OLIG2: variants seen among roughly 807,000 people sequenced by gnomAD.
The protein encoded by OLIG2 is basic domain, helix-loop-helix protein, class B, 1.
Under a neutral mutation model 13.4 loss-of-function variants are expected in OLIG2, and 12 were observed. That is an observed-to-expected ratio of 0.90 (90% CI 0.58 to 1.46). The LOEUF (loss-of-function observed/expected upper bound fraction) is 1.46. Among genes scored for constraint, OLIG2 ranks in the 40% most tolerant of loss-of-function variants. The pLI is 0.00. For missense variants in OLIG2, 415 were observed against 487.9 expected, an observed-to-expected ratio of 0.85 and a Z score of 1.41; for synonymous variants, 250 against 233.6, an observed-to-expected ratio of 1.07 and a Z score of -0.64.
Position 33,026,930 on chromosome 21 carries a change from C to G in OLIG2, c.68C>G (p.Pro23Arg), listed in dbSNP as rs771847969. Residue 23 changes from proline (P) to arginine (R), a missense_variant, in exon 2 of 2, where the codon CCG becomes CGG. Physicochemically the swap from Pro to Arg is moderately radical, Grantham distance 103. Around this residue, in one of 3 missense-constraint regions of OLIG2, gnomAD observed 122 missense variants for 126.8 expected, o/e 0.96. Transcript: ENST00000382357. This position sits in a 1 kb window ranked among gnomAD's most constrained non-coding sequence, Gnocchi z 6.6. ...CCAGAGCCCGATGACCTTTTTCTGC[C>G]GGCCCGGAGTAAGGGCAGCAGCGGC... ...SSPEPDDLFLPARSKGSSGSA... is the reference protein window; with the variant it reads ...SSPEPDDLFLRARSKGSSGSA... 2 of 1,612,332 alleles carry G rather than the reference C, an allele frequency of 1.2e-6. No individual in the cohort carries two copies. The highest frequency in any genetic ancestry group is 1.1e-5 in the South Asian group (1 of 91,086).
chr21:33,026,536 A>C lies in OLIG2; in HGVS notation c.-62-265A>C. The C allele has an allele frequency of 2.9e-6, 1 of 345,508 alleles. No individual in the cohort carries two copies. The highest frequency in any genetic ancestry group is 5.4e-6 in the Non-Finnish European group (1 of 186,644). The allele number at this position is 345,508 out of a possible 1,614,324, so 21.4% of individuals were successfully genotyped here. A position where few individuals can be genotyped will look rare whatever the true frequency, so the allele number is the denominator to read the frequency against. On this transcript the variant is annotated intron_variant, in intron 1 of 1. Coordinates refer to ENST00000382357, the MANE Select transcript of OLIG2 (RefSeq NM_005806.4). This position sits in a 1 kb window ranked among gnomAD's most constrained non-coding sequence, Gnocchi z 6.6. ...GAATGCCACCCGCACCCCGAGGGTC[A>C]CCAACGCTCCCTGAAATAACCTGTT...
At position 33,026,435 on chromosome 21, in the gene OLIG2, G is replaced by T; in HGVS notation, c.-62-366G>T. On this transcript the variant is annotated intron_variant, in intron 1 of 1. Transcript: ENST00000382357. This position sits in a 1 kb window ranked among gnomAD's most constrained non-coding sequence, Gnocchi z 6.6. Reference sequence around the variant, plus strand: ...AGATCTCCATTCTCCCCAAAGAAAGGCCCTCACTTCCCACTCGTTTATTCC... The same window carrying T: ...AGATCTCCATTCTCCCCAAAGAAAGTCCCTCACTTCCCACTCGTTTATTCC... The T allele has an allele frequency of 5.1e-6, 1 of 195,508 alleles. No individual in the cohort carries two copies. Among genetic ancestry groups the T allele is most frequent in the Non-Finnish European group, 1.1e-5 (1 of 93,720 alleles). 12.1% of individuals were successfully genotyped at this position (195,508 alleles called of 1,614,324 possible).
At position 33,027,902 on chromosome 21, in the gene OLIG2, G is replaced by A; in HGVS notation, c.*68G>A. The A allele has an allele frequency of 1.5e-6, 2 of 1,328,508 alleles. No individual in the cohort carries two copies. The highest frequency in any genetic ancestry group is 9.6e-7 in the Non-Finnish European group (1 of 1,039,638). 82.3% of individuals were successfully genotyped at this position (1,328,508 alleles called of 1,614,324 possible). ...GCCGCGGGGAAGCGAGGACTGGCCT[G>A]CGCTGGGCTCGGGAGCTCTGTCGCG... is the stretch of plus-strand genomic sequence containing the variant. On this transcript the variant is annotated 3_prime_UTR_variant, in exon 2 of 2. Coordinates refer to ENST00000382357, the MANE Select transcript of OLIG2 (RefSeq NM_005806.4).
Position 33,028,624 on chromosome 21 carries a change from C to G in OLIG2, c.*790C>G. 2 of 239,472 alleles carry G rather than the reference C, an allele frequency of 8.4e-6. No homozygotes were observed. The allele number at this position is 239,472 out of a possible 1,614,324, so 14.8% of individuals were successfully genotyped here. ...GTGGATTGGAATAACCCAAAACTGC[C>G]GATTTCAGGGGCGGGTGCATTGTAG... is the stretch of plus-strand genomic sequence containing the variant. On this transcript the variant is annotated 3_prime_UTR_variant, in exon 2 of 2. Transcript: ENST00000382357.
In OLIG2 at chr21:33,027,690, C is replaced by A; in HGVS notation, c.828C>A (p.Gly276=). 1 of 1,369,376 alleles carries A rather than the reference C, an allele frequency of 7.3e-7. No homozygotes were observed. Among genetic ancestry groups the A allele is most frequent in the Non-Finnish European group, 9.3e-7 (1 of 1,069,850 alleles). The allele number at this position is 1,369,376 out of a possible 1,614,324, so 84.8% of individuals were successfully genotyped here. ...CGGCCGCCCCGCTGGGGGGCGGGGGCGGCGGCAGTGGGGCGAGCGGGGGCT... is the reference window on the plus strand; with the variant it reads ...CGGCCGCCCCGCTGGGGGGCGGGGGAGGCGGCAGTGGGGCGAGCGGGGGCT... ...AAAAAPLGGG[G]GGSGASGGFQ... is the part of the protein sequence containing the mutation. Residue 276 remains glycine (G), a synonymous_variant, in exon 2 of 2, where the codon GGC becomes GGA. Coordinates refer to ENST00000382357, the MANE Select transcript of OLIG2 (RefSeq NM_005806.4).
In OLIG2 at chr21:33,026,985, G is replaced by A. The variant is rs1446616283; in HGVS notation, c.123G>A (p.Ser41=). 6 of 1,612,132 alleles carry A rather than the reference G, an allele frequency of 3.7e-6. No homozygotes were observed. Among genetic ancestry groups the A allele is most frequent in the Non-Finnish European group, 4.2e-6 (5 of 1,179,532 alleles). The change falls in exon 2 of 2, where the codon TCG becomes TCA. Residue 41 remains serine, a synonymous_variant. Coordinates refer to ENST00000382357, the MANE Select transcript of OLIG2 (RefSeq NM_005806.4). This position sits in a 1 kb window ranked among gnomAD's most constrained non-coding sequence, Gnocchi z 6.6. The part of the protein sequence containing the change: ...GSAFTGGTVS[S]STPSDCPPEL... Reference sequence around the variant, plus strand: ...CCTTCACTGGGGGCACCGTGTCCTCGTCCACCCCGAGTGACTGCCCGCCGG... The same window carrying A: ...CCTTCACTGGGGGCACCGTGTCCTCATCCACCCCGAGTGACTGCCCGCCGG...
rs1257309392 is a variant in OLIG2 at position 33,027,461 on chromosome 21, C to G, written c.599C>G (p.Ala200Gly). ...CTGGCGCACTCCGCGCCCCTGCCCG[C>G]CGCCACCGCGCACCCGGCAGCAGCA... Reference protein sequence around the residue: ...GGLAHSAPLPAATAHPAAAAH... With the variant: ...GGLAHSAPLPGATAHPAAAAH... The change falls in exon 2 of 2, where the codon GCC (alanine) becomes GGC (glycine). Residue 200 changes from alanine to glycine, a missense_variant. By Grantham distance (60) the Ala-to-Gly change is moderately conservative. This residue lies in a region of OLIG2 where 243 missense variants were observed against 241.2 expected (regional missense o/e 1.01). Transcript: ENST00000382357. 46 of 1,488,724 alleles carry G rather than the reference C, an allele frequency of 3.1e-5. No homozygotes were observed. Among genetic ancestry groups the G allele is most frequent in the Non-Finnish European group, 3.9e-5 (44 of 1,128,404 alleles). 92.2% of individuals were successfully genotyped at this position (1,488,724 alleles called of 1,614,324 possible).
Position 33,026,737 on chromosome 21 carries a change from A to ACTCG in OLIG2, c.-62-61_-62-60insGCTC, listed in dbSNP as rs1555836399. 8.2e-6 allele frequency: 9 copies of ACTCG among 1,102,762 alleles called. No homozygotes were observed. The African/African-American group carries it at 1.5e-4, about 18-fold the overall frequency. 68.3% of individuals were successfully genotyped at this position (1,102,762 alleles called of 1,614,324 possible). ...CAGCTTTTCTGTCTCTCACTGACTCACTCTCTCTCTCTCTCCCTCTCTCTC... is the reference window on the plus strand; with the variant it reads ...CAGCTTTTCTGTCTCTCACTGACTCACTCGCTCTCTCTCTCTCTCCCTCTCTCTC... On this transcript the variant is annotated intron_variant, in intron 1 of 1. Transcript: ENST00000382357. This position sits in a 1 kb window ranked among gnomAD's most constrained non-coding sequence, Gnocchi z 6.6.
chr21:33,026,555 A>T lies in OLIG2; in HGVS notation c.-62-246A>T, dbSNP rs527627403. The stretch of plus-strand genomic sequence containing the variant: ...AGGGTCACCAACGCTCCCTGAAATA[A>T]CCTGTTGCATGAGAGCAGAGGGGAG... On this transcript the variant is annotated intron_variant, in intron 1 of 1. Transcript: ENST00000382357. This position sits in a 1 kb window ranked among gnomAD's most constrained non-coding sequence, Gnocchi z 6.6. The T allele has an allele frequency of 5.1e-6, 2 of 392,526 alleles. No homozygotes were observed. Among genetic ancestry groups the T allele is most frequent in the Admixed American group, 8.6e-5 (2 of 23,318 alleles). The allele number at this position is 392,526 out of a possible 1,614,324, so 24.3% of individuals were successfully genotyped here.
chr21:33,026,398 A>C lies in OLIG2; in HGVS notation c.-63+372A>C. ...GATCCGTTTGAGGAACCAAATCATT[A>C]GTTCTCTATCTAGATCTCCATTCTC... On this transcript the variant is annotated intron_variant, in intron 1 of 1. Coordinates refer to ENST00000382357, the MANE Select transcript of OLIG2 (RefSeq NM_005806.4). This position sits in a 1 kb window ranked among gnomAD's most constrained non-coding sequence, Gnocchi z 6.6. The C allele has an allele frequency of 6.0e-6, 1 of 166,900 alleles. No homozygotes were observed. The highest frequency in any genetic ancestry group is 1.3e-5 in the Non-Finnish European group (1 of 76,192). The allele number at this position is 166,900 out of a possible 1,614,324, so 10.3% of individuals were successfully genotyped here.
rs1418535231 is a variant in OLIG2, at chr21:33,027,439, G to A, written c.577G>A (p.Ala193Thr). The A allele has an allele frequency of 2.0e-6, 3 of 1,533,338 alleles. No individual in the cohort carries two copies. Among genetic ancestry groups the A allele is most frequent in the East Asian group, 2.5e-5 (1 of 40,368 alleles). The allele number at this position is 1,533,338 out of a possible 1,614,324, so 95.0% of individuals were successfully genotyped here. ...CCACCCGTCGGCCTGCGGCGGCCTG[G>A]CGCACTCCGCGCCCCTGCCCGCCGC... ...GFHPSACGGL[A>T]HSAPLPAATA... Residue 193 changes from alanine (A) to threonine (T), a missense_variant, in exon 2 of 2, where the codon GCG becomes ACG. Around this residue, in one of 3 missense-constraint regions of OLIG2, gnomAD observed 243 missense variants for 241.2 expected, o/e 1.01. Coordinates refer to ENST00000382357, the MANE Select transcript of OLIG2 (RefSeq NM_005806.4).
chr21:33,026,758 C>T lies in OLIG2; in HGVS notation c.-62-43C>T, dbSNP rs534254125. ...ACTCACTCTCTCTCTCTCTCCCTCT[C>T]TCTCTCTCTCATTCTCTCTCTTTTC... On this transcript the variant is annotated intron_variant, in intron 1 of 1. Coordinates refer to ENST00000382357, the MANE Select transcript of OLIG2 (RefSeq NM_005806.4). This position sits in a 1 kb window ranked among gnomAD's most constrained non-coding sequence, Gnocchi z 6.6. 7.2e-7 allele frequency: 1 copy of T among 1,385,760 alleles called. No individual in the cohort carries two copies. The highest frequency in any genetic ancestry group is 1.4e-5 in the South Asian group (1 of 73,470). The allele number at this position is 1,385,760 out of a possible 1,614,324, so 85.8% of individuals were successfully genotyped here.
chr21:33,028,960 CT>C lies in OLIG2; in HGVS notation c.*1127del. On this transcript the variant is annotated 3_prime_UTR_variant, in exon 2 of 2. Transcript: ENST00000382357. The stretch of plus-strand genomic sequence containing the variant: ...CACGTTTAACACAAATGGTAAACTC[CT>C]CCACGTGCTTCCTGCGTTCCGTGCA... 4.1e-6 allele frequency: 1 copy of C among 242,982 alleles called. No homozygotes were observed. Among genetic ancestry groups the C allele is most frequent in the Non-Finnish European group, 8.7e-6 (1 of 114,900 alleles). The allele number at this position is 242,982 out of a possible 1,614,324, so 15.1% of individuals were successfully genotyped here. A position where few individuals can be genotyped will look rare whatever the true frequency, so the allele number is the denominator to read the frequency against.
chr21:33,027,599 C>T lies in OLIG2; in HGVS notation c.737C>T (p.Ser246Phe). 2 of 1,477,780 alleles carry T rather than the reference C, an allele frequency of 1.4e-6. No individual in the cohort carries two copies. The highest frequency in any genetic ancestry group is 1.8e-6 in the Non-Finnish European group (2 of 1,120,312). The allele number at this position is 1,477,780 out of a possible 1,614,324, so 91.5% of individuals were successfully genotyped here. A position where few individuals can be genotyped will look rare whatever the true frequency, so the allele number is the denominator to read the frequency against. Residue 246 changes from serine to phenylalanine, a missense_variant, in exon 2 of 2, where the codon TCC (serine) becomes TTC (phenylalanine). By Grantham distance (155) the Ser-to-Phe change is radical (BLOSUM62 -2). Coordinates refer to ENST00000382357, the MANE Select transcript of OLIG2 (RefSeq NM_005806.4). ...AAVSSASLPG[S>F]GLPSVGSIRP... ...GTGTCCAGCGCCTCTCTGCCCGGAT[C>T]CGGGCTGCCGTCGGTCGGCTCCATC...
chr21:33,027,005 C>G lies in OLIG2; in HGVS notation c.143C>G (p.Pro48Arg), dbSNP rs1185918494. ...TVSSSTPSDC[P>R]PELSAELRGA... ...TCCTCGTCCACCCCGAGTGACTGCC[C>G]GCCGGAGCTGAGCGCCGAGCTGCGC... The change falls in exon 2 of 2, where the codon CCG becomes CGG. Residue 48 changes from proline (P) to arginine (R), a missense_variant. Coordinates refer to ENST00000382357, the MANE Select transcript of OLIG2 (RefSeq NM_005806.4). The G allele has an allele frequency of 6.2e-7, 1 of 1,612,094 alleles. No individual in the cohort carries two copies. Among genetic ancestry groups the G allele is most frequent in the Non-Finnish European group, 8.5e-7 (1 of 1,179,440 alleles).
At position 33,027,606 on chromosome 21, in the gene OLIG2, G is replaced by C; in HGVS notation, c.744G>C (p.Leu248=). The change falls in exon 2 of 2, where the codon CTG becomes CTC. Residue 248 remains leucine (L), a synonymous_variant. Transcript: ENST00000382357. ...GCGCCTCTCTGCCCGGATCCGGGCT[G>C]CCGTCGGTCGGCTCCATCCGTCCAC... The part of the protein sequence containing the change: ...VSSASLPGSG[L]PSVGSIRPPH... 1 of 1,477,426 alleles carries C rather than the reference G, an allele frequency of 6.8e-7. No individual in the cohort carries two copies. Among genetic ancestry groups the C allele is most frequent in the Non-Finnish European group, 8.9e-7 (1 of 1,120,172 alleles). The allele number at this position is 1,477,426 out of a possible 1,614,324, so 91.5% of individuals were successfully genotyped here.
In OLIG2 at chr21:33,027,654, G is replaced by C; in HGVS notation, c.792G>C (p.Pro264=). The change falls in exon 2 of 2, where the codon CCG becomes CCC. Residue 264 remains proline (P), a synonymous_variant. Transcript: ENST00000382357. ...CACCGCACGGCCTACTCAAGTCTCC[G>C]TCTGCTGCCGCGGCCGCCCCGCTGG... ...IRPPHGLLKS[P]SAAAAAPLGG... 7.1e-7 allele frequency: 1 copy of C among 1,412,602 alleles called. No individual in the cohort carries two copies. The highest frequency in any genetic ancestry group is 2.4e-4 in the Middle Eastern group (1 of 4,164). 87.5% of individuals were successfully genotyped at this position (1,412,602 alleles called of 1,614,324 possible).
Position 33,027,925 on chromosome 21 carries a change from G to A in OLIG2, c.*91G>A. 1 of 1,285,654 alleles carries A rather than the reference G, an allele frequency of 7.8e-7. No individual in the cohort carries two copies. Among genetic ancestry groups the A allele is most frequent in the Non-Finnish European group, 1.0e-6 (1 of 1,000,836 alleles). The allele number at this position is 1,285,654 out of a possible 1,614,324, so 79.6% of individuals were successfully genotyped here. A position where few individuals can be genotyped will look rare whatever the true frequency, so the allele number is the denominator to read the frequency against. ...CTGCGCTGGGCTCGGGAGCTCTGTC[G>A]CGAGGAGGGGCGCAGGACCATGGAC... On this transcript the variant is annotated 3_prime_UTR_variant, in exon 2 of 2. Coordinates refer to ENST00000382357, the MANE Select transcript of OLIG2 (RefSeq NM_005806.4).
rs1981117256 is a variant in OLIG2 at position 33,027,134 on chromosome 21, C to G, written c.272C>G (p.Ala91Gly). 6.2e-7 allele frequency: 1 copy of G among 1,611,230 alleles called. No homozygotes were observed. The highest frequency in any genetic ancestry group is 1.7e-5 in the Admixed American group (1 of 59,776). ...TCGTCGTCTACGTCGTCGGCGGCTG[C>G]GTCGTCCACCAAGAAGGACAAGAAG... is the stretch of plus-strand genomic sequence containing the variant. ...STSSSTSSAA[A>G]SSTKKDKKQM... Residue 91 changes from alanine (A) to glycine (G), a missense_variant, in exon 2 of 2, where the codon GCG becomes GGG. By Grantham distance (60) the Ala-to-Gly change is moderately conservative. Coordinates refer to ENST00000382357, the MANE Select transcript of OLIG2 (RefSeq NM_005806.4).
Sources: gnomAD v4.1 joint callset for allele counts on GRCh38, gnomAD v4.1.1 for gene constraint, gnomAD v4.1.1 regional missense constraint, Gnocchi (gnomAD v3.1) non-coding constraint, MANE v1.5 for transcripts, NCBI Gene and HGNC (gene_info 2026-07-23, HGNC 2026-07-21) for gene names.